Variants in FAM168A observed in about 807,000 individuals in gnomAD.
FAM168A encodes family with sequence similarity 168 member A.
In FAM168A, 3 loss-of-function variants were observed where a neutral mutation model predicts 28.5. The observed-to-expected ratio is 0.11, with a 90% CI of 0.05 to 0.27. FAM168A has a LOEUF of 0.27. FAM168A is among the 10% of genes least tolerant of loss of function. The pLI, the probability that FAM168A is intolerant of heterozygous loss-of-function variation, is 1.00. For missense variants in FAM168A, 222 were observed against 311.5 expected, an observed-to-expected ratio of 0.71 and a Z score of 2.16; for synonymous variants, 122 against 124.2, an observed-to-expected ratio of 0.98 and a Z score of 0.12.
At chr11:73,554,331 C>T (rs888409856) in intron 1 of FAM168A, among the ~76,000 whole-genome samples, 2 of 151,112 alleles carry the variant, frequency 1.3e-5, no homozygotes, top group Non-Finnish European at 3.0e-5. Context: ...GCTGTGATCA[C>T]GCCACTGCAC....
chr11:73,540,324 C>T (rs565676325), intron 1 of FAM168A, among the ~76,000 whole-genome samples: 53 of 152,264 alleles, frequency 3.5e-4, no homozygotes, highest in Non-Finnish European at 6.3e-4. Context: ...TACATTCTCT[C>T]GTTCAATTCT....
At chr11:73,543,888 G>A (rs868543548) in intron 1 of FAM168A, among the ~76,000 whole-genome samples, 1 of 152,116 alleles carries the variant, frequency 6.6e-6, no homozygotes, top group South Asian at 2.1e-4. Flanking sequence ...CAGCACTTTG[G>A]GAAGCCAAGG....
intron 1 of FAM168A, among the ~76,000 whole-genome samples, chr11:73,534,022 C>A (rs1018608294): frequency 6.6e-6 from 1 of 152,188 alleles, no homozygotes; most frequent in African/African-American, 2.4e-5. Flanking sequence ...CCATACTCTT[C>A]CCAGTGCAAA....
chr11:73,486,505 G>T (rs1476762499), intron 1 of FAM168A, among the ~76,000 whole-genome samples: 1 of 152,074 alleles, frequency 6.6e-6, no homozygotes, highest in African/African-American at 2.4e-5. Context: ...CTTCTTCAAG[G>T]TTCATCCATG....
At chr11:73,592,020 C>T (rs1422414354) in intron 1 of FAM168A, among the ~76,000 whole-genome samples, 2 of 152,082 alleles carry the variant, frequency 1.3e-5, no homozygotes, top group Non-Finnish European at 2.9e-5. Flanking sequence ...AATTATAAAA[C>T]AGAGGCTAGA....
At chr11:73,535,418 CTTTTTTTTT>C (rs557433454) in intron 1 of FAM168A, among the ~76,000 whole-genome samples, 1 of 132,290 alleles carries the variant, frequency 7.6e-6, no homozygotes, top group African/African-American at 2.8e-5. Context: ...TTCTTTCTTT[CTTTTTTTTT>C]TTTTTTTTTG....
At chr11:73,424,336 G>A (rs1365078177) in intron 3 of FAM168A, among the ~76,000 whole-genome samples, 1 of 152,176 alleles carries the variant, frequency 6.6e-6, no homozygotes, top group Non-Finnish European at 1.5e-5. Flanking sequence ...AAAGTTGCAA[G>A]TCCCTCCCAT....
At position 73,542,116 on chromosome 11, in the gene FAM168A, T is replaced by C. The variant is rs773683726; in HGVS notation, c.-19+55807A>G. On this transcript the variant is annotated intron_variant, in intron 1 of 7. Transcript: ENST00000356467. ...AGAGTTTGGCAGTCCGATCTCTTCT[T>C]TGCTCTAAGTACACACATTTCCTAG... Among the ~76,000 whole-genome samples the C allele has an allele frequency of 9.9e-4, 151 of 152,188 alleles. 1 individual carries two copies. The highest frequency in any genetic ancestry group is 3.2e-4 in the Non-Finnish European group (22 of 68,022).
rs553047382 is a variant in FAM168A at position 73,577,433 on chromosome 11, C to A, written c.-19+20490G>T. On this transcript the variant is annotated intron_variant, in intron 1 of 7. Transcript: ENST00000356467. ...TGTTATTTATTTTTGCCACTTTATT[C>A]TATTAGCAGAGCCCAATTTAAAATA... Among the ~76,000 whole-genome samples the A allele has an allele frequency of 3.3e-5, 5 of 152,244 alleles. No individual in the cohort carries two copies. The South Asian group carries it at 8.3e-4, about 25-fold the overall frequency.
chr11:73,579,958 G>A (rs895871558), intron 1 of FAM168A, among the ~76,000 whole-genome samples: 1 of 152,130 alleles, frequency 6.6e-6, no homozygotes, highest in Non-Finnish European at 1.5e-5. Flanking sequence ...CAATAGCACA[G>A]AATCAAAGTT....
chr11:73,405,498 G>C lies in FAM168A; in HGVS notation c.*1265C>G, dbSNP rs185701385. 2 of 152,324 alleles carry C rather than the reference G, an allele frequency of 1.3e-5. No individual in the cohort carries two copies. Among genetic ancestry groups the C allele is most frequent in the African/African-American group, 4.8e-5 (2 of 41,566 alleles). 9.4% of individuals were successfully genotyped at this position (152,324 alleles called of 1,614,324 possible). A position where few individuals can be genotyped will look rare whatever the true frequency, so the allele number is the denominator to read the frequency against. ...AGGCTGCATTTAATGCTAATTTACT[G>C]TAAGGTCTAGGGAAGTCCTTTCCGC... On this transcript the variant is annotated 3_prime_UTR_variant, in exon 8 of 8. Transcript: ENST00000356467.
At chr11:73,593,249 T>A (rs544248444) in intron 1 of FAM168A, among the ~76,000 whole-genome samples, 88 of 152,290 alleles carry the variant, frequency 5.8e-4, no homozygotes, top group African/African-American at 2.0e-3. Context: ...GTACTAGAAA[T>A]CTCCTTTTTG....
At chr11:73,549,899 G>A (rs548126392) in intron 1 of FAM168A, among the ~76,000 whole-genome samples, 1 of 152,310 alleles carries the variant, frequency 6.6e-6, no homozygotes, top group African/African-American at 2.4e-5. Context: ...TGACTAAGAA[G>A]AGGGCTTATT....
intron 1 of FAM168A, among the ~76,000 whole-genome samples, chr11:73,469,366 A>G (rs1867781971): frequency 6.6e-6 from 1 of 152,230 alleles, no homozygotes; most frequent in Non-Finnish European, 1.5e-5. Flanking sequence ...ATAAAAATCA[A>G]ACAATTCCTT....
intron 3 of FAM168A, among the ~76,000 whole-genome samples, chr11:73,423,825 C>A (rs908054064): frequency 1.3e-5 from 2 of 152,162 alleles, no homozygotes; most frequent in Non-Finnish European, 2.9e-5. Context: ...TCTTACTAGT[C>A]TTCGTATTTT....
intron 1 of FAM168A, among the ~76,000 whole-genome samples, chr11:73,548,950 C>CT (rs200794440): frequency 0.015 from 2,264 of 150,894 alleles, 39 homozygotes; most frequent in African/African-American, 0.031. Context: ...AGACATTTCT[C>CT]TTTTTTTTTG....
chr11:73,498,260 G>GAGAAAAGGAAGAGC (rs917190637), intron 1 of FAM168A, among the ~76,000 whole-genome samples: 22 of 152,150 alleles, frequency 1.4e-4, no homozygotes, highest in Non-Finnish European at 2.9e-4. Flanking sequence ...GTGACCCATG[G>GAGAAAAGGAAGAGC]AGAAAAGGAA....
At position 73,532,390 on chromosome 11, in the gene FAM168A, A is replaced by T. The variant is rs191529106; in HGVS notation, c.-18-63898T>A. Among the ~76,000 whole-genome samples the T allele has an allele frequency of 2.7e-3, 410 of 152,270 alleles. 3 individuals carry two copies. The highest frequency in any genetic ancestry group is 9.5e-3 in the African/African-American group (394 of 41,560). On this transcript the variant is annotated intron_variant, in intron 1 of 7. Transcript: ENST00000356467. ...TCTACTGAATTGCCTGGATAAACTC[A>T]GCCTTTAAGCCTAAGAATGAATGGA...
intron 1 of FAM168A, among the ~76,000 whole-genome samples, chr11:73,583,445 A>C (rs1353136447): frequency 6.6e-6 from 1 of 152,230 alleles, no homozygotes; most frequent in East Asian, 1.9e-4. Flanking sequence ...ATTCTGTACA[A>C]GGTCCCAAGA....
Sources: gnomAD v4.1 joint callset for allele counts (sites outside exome capture counted in the v4.1 genomes callset) on GRCh38, gnomAD v4.1.1 for gene constraint, MANE v1.5 for transcripts, NCBI Gene and HGNC (gene_info 2026-07-23, HGNC 2026-07-21) for gene names.